Variants in ITGA9 observed in about 807,000 individuals in gnomAD.
The protein encoded by ITGA9 is integrin subunit alpha 9, also known as integrin alpha-9.
In ITGA9, 56 loss-of-function variants were observed where a neutral mutation model predicts 127.8. The ratio of observed to expected loss-of-function variants is 0.44; its 90% CI spans 0.35 to 0.55. The LOEUF (loss-of-function observed/expected upper bound fraction) is 0.55, where lower values mean the gene tolerates loss of function less well. ITGA9 is among the 20% of genes least tolerant of loss of function. The probability of loss-of-function intolerance (pLI) is 0.00; values close to 1 mark genes in which losing one functional copy is unlikely to be tolerated. For missense variants in ITGA9, 1,196 were observed against 1,347.1 expected (o/e 0.89, Z 1.76); for synonymous variants, 508 against 514.5 (o/e 0.99, Z 0.17).
At chr3:37,798,384 A>G (rs1220028883) in intron 26 of ITGA9, among the ~76,000 whole-genome samples, 4 of 152,214 alleles carry the variant, frequency 2.6e-5, no homozygotes, top group East Asian at 1.9e-4. Context: ...AGATGATTAC[A>G]TATCCTTTCA....
At chr3:37,575,623 A>G (rs759298831) in intron 15 of ITGA9, among the ~76,000 whole-genome samples, 13 of 152,094 alleles carry the variant, frequency 8.5e-5, no homozygotes, top group Non-Finnish European at 1.9e-4. Context: ...GAGCACCAAG[A>G]CAGGACCCAA....
At chr3:37,808,224 A>C (rs934445948) in intron 27 of ITGA9, 1 of 152,334 alleles carries the variant, frequency 6.6e-6, no homozygotes, top group African/African-American at 2.4e-5. Flanking sequence ...ACGCAGAATG[A>C]TCAGCCACCT....
At chr3:37,630,922 T>C (rs1700224921) in intron 16 of ITGA9, among the ~76,000 whole-genome samples, 2 of 151,200 alleles carry the variant, frequency 1.3e-5, no homozygotes, top group Admixed American at 6.6e-5. Context: ...TAGAGAAGAG[T>C]AGAAGATAAG....
At chr3:37,749,007 C>T (rs1696546488) in intron 22 of ITGA9, 2 of 453,262 alleles carry the variant, frequency 4.4e-6, no homozygotes, top group East Asian at 7.1e-5. Flanking sequence ...TTTCTTATTG[C>T]TGCTGTAACA....
intron 22 of ITGA9, among the ~76,000 whole-genome samples, chr3:37,750,238 G>A (rs1402756): frequency 0.98 from 149,693 of 152,356 alleles, 73,592 homozygotes; most frequent in Middle Eastern, 1. Flanking sequence ...GAATATGGTA[G>A]TTTCAAAGTT....
At position 37,473,653 on chromosome 3, in the gene ITGA9, T is replaced by TGA; in HGVS notation, c.420+196_420+197dup. Among the ~76,000 whole-genome samples, 4 of 152,362 alleles carry TGA rather than the reference T, an allele frequency of 2.6e-5. No individual in the cohort carries two copies. The South Asian group carries it at 8.3e-4, about 32-fold the overall frequency. ...GTGAATAATGTCTGTCCCAAGGTGC[T>TGA]GAGATGTGACTATTGAAAAATAAAA... On this transcript the variant is annotated intron_variant, in intron 3 of 27. Transcript: ENST00000264741.
intron 23 of ITGA9, among the ~76,000 whole-genome samples, chr3:37,774,555 C>G (rs1371422383): frequency 1.3e-5 from 2 of 149,534 alleles, no homozygotes; most frequent in Non-Finnish European, 3.0e-5. Context: ...AAGAAACCAG[C>G]AAAAAACAAA....
At chr3:37,544,215 G>C (rs1022791855) in intron 15 of ITGA9, among the ~76,000 whole-genome samples, 1 of 152,172 alleles carries the variant, frequency 6.6e-6, no homozygotes, top group Non-Finnish European at 1.5e-5. Flanking sequence ...GAGATGCCAC[G>C]TAGAGTGGCA....
chr3:37,512,037 T>C (rs1164406093), intron 8 of ITGA9, among the ~76,000 whole-genome samples: 2 of 51,254 alleles, frequency 3.9e-5, no homozygotes, highest in East Asian at 1.7e-3. Flanking sequence ...TCTTTCTTTC[T>C]TTCTTTCTTT....
intron 15 of ITGA9, among the ~76,000 whole-genome samples, chr3:37,593,141 A>ATTGG (rs1699836283): frequency 6.6e-6 from 1 of 152,258 alleles, no homozygotes; most frequent in Non-Finnish European, 1.5e-5. Flanking sequence ...AATGGATACC[A>ATTGG]AAATTCATAG....
chr3:37,778,416 G>A (rs1696932964), intron 24 of ITGA9, among the ~76,000 whole-genome samples: 1 of 152,058 alleles, frequency 6.6e-6, no homozygotes, highest in Admixed American at 6.5e-5. Flanking sequence ...TCAGGAGTTT[G>A]AGACCAGCCT....
intron 15 of ITGA9, among the ~76,000 whole-genome samples, chr3:37,556,837 T>C (rs1398399864): frequency 2.6e-5 from 4 of 152,208 alleles, no homozygotes; most frequent in African/African-American, 9.6e-5. Flanking sequence ...GAGCGAGTGC[T>C]CCTCATCAAC....
chr3:37,603,912 G>T (rs933930342), intron 15 of ITGA9, among the ~76,000 whole-genome samples: 1 of 152,200 alleles, frequency 6.6e-6, no homozygotes, highest in Non-Finnish European at 1.5e-5. Context: ...CAAAGAGGGT[G>T]CCCACTGCTG....
intron 11 of ITGA9, among the ~76,000 whole-genome samples, chr3:37,521,187 G>C (rs770669826): frequency 6.6e-6 from 1 of 152,136 alleles, no homozygotes; most frequent in Non-Finnish European, 1.5e-5. Context: ...ATATGATAAG[G>C]GCAGAGATTT....
intron 18 of ITGA9, among the ~76,000 whole-genome samples, chr3:37,687,280 A>G (rs982611491): frequency 1.3e-5 from 2 of 152,222 alleles, no homozygotes; most frequent in African/African-American, 4.8e-5. Context: ...AATATGTTAT[A>G]GTCAGGAAAG....
intron 21 of ITGA9, 33 bp from the exon 22 acceptor site, chr3:37,743,893 G>T: frequency 7.0e-7 from 1 of 1,419,242 alleles, no homozygotes; most frequent in South Asian, 1.1e-5. Flanking sequence ...GACTGTGGGT[G>T]GGGATGACAG....
At chr3:37,743,887 G>A (rs1267807712) in intron 21 of ITGA9, 39 bp from the exon 22 acceptor site, 7 of 1,375,842 alleles carry the variant, frequency 5.1e-6, no homozygotes, top group Middle Eastern at 1.8e-4. Flanking sequence ...GTGCTTGACT[G>A]TGGGTGGGGA....
At chr3:37,741,626 C>A in intron 20 of ITGA9, 104 bp from the exon 21 acceptor site, 1 of 869,254 alleles carries the variant, frequency 1.2e-6, no homozygotes, top group Non-Finnish European at 1.9e-6. Context: ...GTGCCATCTG[C>A]CCTTGGAGAA....
At chr3:37,583,648 TC>T (rs1345560161) in intron 15 of ITGA9, among the ~76,000 whole-genome samples, 1 of 152,248 alleles carries the variant, frequency 6.6e-6, no homozygotes, top group East Asian at 1.9e-4. Flanking sequence ...ACTATGTAGT[TC>T]ATGTCTAGCA....
Sources: gnomAD v4.1 joint callset for allele counts (sites outside exome capture counted in the v4.1 genomes callset) on GRCh38, gnomAD v4.1.1 for gene constraint, MANE v1.5 for transcripts, NCBI Gene and HGNC (gene_info 2026-07-23, HGNC 2026-07-21) for gene names.